The following NUDT9 variants were observed in gnomAD, a reference collection of about 807,000 sequenced individuals.
NUDT9 encodes the protein ADP-ribose pyrophosphatase.
In NUDT9, 31 loss-of-function variants were observed where a neutral mutation model predicts 41.0. That is an observed-to-expected ratio of 0.76 (90% CI 0.57 to 1.02). The LOEUF (loss-of-function observed/expected upper bound fraction) is 1.02. Ranked by LOEUF, NUDT9 falls within the 50% of genes least tolerant of loss-of-function variation. The pLI is 0.00. For missense variants in NUDT9, 380 were observed against 431.4 expected, an observed-to-expected ratio of 0.88 and a Z score of 1.06; for synonymous variants, 146 against 147.6, an observed-to-expected ratio of 0.99 and a Z score of 0.08.
At position 87,449,212 on chromosome 4, in the gene NUDT9, G is replaced by T. The variant is rs777933670; in HGVS notation, c.601G>T (p.Ala201Ser). 44 of 1,610,430 alleles carry T rather than the reference G, an allele frequency of 2.7e-5. No individual in the cohort carries two copies. The South Asian group carries it at 4.4e-4, about 16-fold the overall frequency. Residue 201 changes from alanine to serine, a missense_variant, in exon 5 of 8, where the codon GCA (alanine) becomes TCA (serine). Transcript: ENST00000302174. Reference protein sequence around the residue: ...VSGKHILQFVAIKRKDCGEWA... With the variant: ...VSGKHILQFVSIKRKDCGEWA... Reference sequence around the variant, plus strand: ...TGGGAAGCATATCTTACAATTTGTTGCAATAAAAAGGAAAGACTGTGGAGA... The same window carrying T: ...TGGGAAGCATATCTTACAATTTGTTTCAATAAAAAGGAAAGACTGTGGAGA...
intron 1 of NUDT9, among the ~76,000 whole-genome samples, chr4:87,429,688 G>A (rs201283894): frequency 1.2e-4 from 13 of 108,326 alleles, no homozygotes; most frequent in African/African-American, 3.6e-4. Context: ...CTCTCTCCCC[G>A]TTTCCCCCCC....
intron 4 of NUDT9, among the ~76,000 whole-genome samples, chr4:87,443,557 T>G (rs1237175088): frequency 1.3e-5 from 2 of 152,148 alleles, no homozygotes; most frequent in Non-Finnish European, 2.9e-5. Flanking sequence ...AAATGTGAAG[T>G]AAGAAAACAT....
At chr4:87,439,448 G>C (rs1382919872) in intron 3 of NUDT9, among the ~76,000 whole-genome samples, 1 of 152,108 alleles carries the variant, frequency 6.6e-6, no homozygotes, top group East Asian at 1.9e-4. Flanking sequence ...CTGAGATCAG[G>C]AGTTGAAGAC....
intron 7 of NUDT9, among the ~76,000 whole-genome samples, chr4:87,455,673 T>TA (rs60127932): frequency 6.6e-6 from 1 of 150,518 alleles, no homozygotes; most frequent in Non-Finnish European, 1.5e-5. Context: ...TTTTTTTTTT[T>TA]AACCCCGAGA....
At chr4:87,438,405 T>C (rs1328140471) in intron 3 of NUDT9, 33 bp downstream of exon 3, 3 of 1,172,652 alleles carry the variant, frequency 2.6e-6, no homozygotes, top group South Asian at 2.5e-5. Context: ...CTTACAATAA[T>C]GAGTCACCAA....
intron 2 of NUDT9, among the ~76,000 whole-genome samples, chr4:87,437,970 A>G (rs1391459769): frequency 6.6e-6 from 1 of 151,982 alleles, no homozygotes; most frequent in Non-Finnish European, 1.5e-5. Context: ...CCTTCTTGCT[A>G]ATAGACCTTC....
intron 1 of NUDT9, among the ~76,000 whole-genome samples, chr4:87,425,662 T>G (rs534481252): frequency 6.9e-6 from 1 of 145,548 alleles, no homozygotes; most frequent in Non-Finnish European, 1.5e-5. Context: ...CTCAAAGTGC[T>G]GGTGAATACA....
intron 1 of NUDT9, among the ~76,000 whole-genome samples, chr4:87,434,696 G>A (rs1209073162): frequency 6.6e-6 from 1 of 151,102 alleles, no homozygotes; most frequent in African/African-American, 2.4e-5. Context: ...GCAATGGCGC[G>A]ATGTCTCACT....
intron 2 of NUDT9, among the ~76,000 whole-genome samples, chr4:87,437,520 T>TG (rs1424714854): frequency 1.3e-5 from 2 of 151,346 alleles, no homozygotes; most frequent in African/African-American, 2.4e-5. Context: ...TTTTGTATTT[T>TG]TTTAGTAGAG....
At chr4:87,450,921 C>T (rs1722681937) in intron 5 of NUDT9, among the ~76,000 whole-genome samples, 1 of 152,112 alleles carries the variant, frequency 6.6e-6, no homozygotes, top group Non-Finnish European at 1.5e-5. Context: ...AACAAATAAC[C>T]TCTGTCTTTT....
chr4:87,442,102 A>G (rs1722228074), intron 4 of NUDT9, among the ~76,000 whole-genome samples, 187 bp downstream of exon 4: 1 of 152,196 alleles, frequency 6.6e-6, no homozygotes. Flanking sequence ...ATGCATTATT[A>G]GGTGATTTTG....
At position 87,454,586 on chromosome 4, in the gene NUDT9, T is replaced by C. The variant is rs530105349; in HGVS notation, c.874+131T>C. 5.1e-5 allele frequency: 30 copies of C among 586,990 alleles called. No individual in the cohort carries two copies. In the African/African-American group the frequency reaches 5.2e-4, roughly 10 times the overall value. The allele number at this position is 586,990 out of a possible 1,614,324, so 36.4% of individuals were successfully genotyped here. Reference sequence around the variant, plus strand: ...ACTGTTGATTGTAGGACTGTAGTTATATGAAAGCAAAATTGTTGGTATTAA... The same window carrying C: ...ACTGTTGATTGTAGGACTGTAGTTACATGAAAGCAAAATTGTTGGTATTAA... On this transcript the variant is annotated intron_variant, in intron 7 of 7. Coordinates refer to ENST00000302174, the MANE Select transcript of NUDT9 (RefSeq NM_024047.5).
At chr4:87,448,066 G>A (rs960937671) in intron 4 of NUDT9, among the ~76,000 whole-genome samples, 41 of 149,782 alleles carry the variant, frequency 2.7e-4, no homozygotes, top group Non-Finnish European at 3.9e-4. Context: ...GAGAAGTACT[G>A]CTTTTGACAC....
At chr4:87,430,427 T>C (rs1398982247) in intron 1 of NUDT9, among the ~76,000 whole-genome samples, 3 of 152,246 alleles carry the variant, frequency 2.0e-5, no homozygotes, top group Admixed American at 6.5e-5. Flanking sequence ...ATTATATACA[T>C]GCACTGAAAT....
intron 1 of NUDT9, among the ~76,000 whole-genome samples, chr4:87,432,264 A>G (rs1456622953): frequency 1.3e-5 from 2 of 152,170 alleles, no homozygotes; most frequent in Non-Finnish European, 2.9e-5. Flanking sequence ...TGTTTTATAT[A>G]TACTTTAAAC....
chr4:87,452,617 A>AT (rs1722799297), intron 6 of NUDT9, among the ~76,000 whole-genome samples: 1 of 150,866 alleles, frequency 6.6e-6, no homozygotes, highest in South Asian at 2.1e-4. Context: ...CACTGGGCTA[A>AT]TTTTTTGTTT....
At position 87,451,677 on chromosome 4, in the gene NUDT9, C is replaced by G. The variant is rs148039498; in HGVS notation, c.731C>G (p.Ala244Gly). Residue 244 changes from alanine to glycine, a missense_variant, in exon 6 of 8, where the codon GCT (alanine) becomes GGT (glycine). Physicochemically the swap from Ala to Gly is moderately conservative, Grantham distance 60 (BLOSUM62 0). Coordinates refer to ENST00000302174, the MANE Select transcript of NUDT9 (RefSeq NM_024047.5). Reference protein sequence around the residue: ...EALNSLQKTSAEKREIEEKLH... With the variant: ...EALNSLQKTSGEKREIEEKLH... ...CTCAACTCCTTACAGAAAACCAGTG[C>G]TGAGAAGAGAGAAATAGAGGAAAAG... is the stretch of plus-strand genomic sequence containing the variant. 46 of 1,613,574 alleles carry G rather than the reference C, an allele frequency of 2.9e-5. 1 individual carries two copies. The highest frequency in any genetic ancestry group is 3.7e-5 in the Non-Finnish European group (44 of 1,179,742).
At chr4:87,452,227 TC>T (rs1246542911) in intron 6 of NUDT9, among the ~76,000 whole-genome samples, 1 of 152,130 alleles carries the variant, frequency 6.6e-6, no homozygotes, top group Non-Finnish European at 1.5e-5. Context: ...GGCCTTGAAC[TC>T]CTGACTTCAG....
chr4:87,425,347 C>T (rs1406820131), intron 1 of NUDT9, among the ~76,000 whole-genome samples: 1 of 151,066 alleles, frequency 6.6e-6, no homozygotes, highest in East Asian at 1.9e-4. Flanking sequence ...CACTGCATTC[C>T]AGCCTGAGTG....
Sources: gnomAD v4.1 joint callset for allele counts (sites outside exome capture counted in the v4.1 genomes callset) on GRCh38, gnomAD v4.1.1 for gene constraint, MANE v1.5 for transcripts, NCBI Gene and HGNC (gene_info 2026-07-23, HGNC 2026-07-21) for gene names.